Variants in VWF observed in about 807,000 individuals in gnomAD.
The protein encoded by VWF is von Willebrand factor, also known as Factor VIII related antigen.
Under a neutral mutation model 308.6 loss-of-function variants are expected in VWF, and 176 were observed. That is an observed-to-expected ratio of 0.57 (90% CI 0.50 to 0.65). The LOEUF (loss-of-function observed/expected upper bound fraction) is 0.65. VWF is among the 30% of genes least tolerant of loss of function. The pLI is 0.00. For synonymous variants in VWF, 1,385 were observed against 1,443.4 expected, an observed-to-expected ratio of 0.96 and a Z score of 0.92; for missense variants, 3,146 against 3,648.2, an observed-to-expected ratio of 0.86 and a Z score of 3.55.
At chr12:6,096,771 G>T (rs1011382987) in intron 5 of VWF, among the ~76,000 whole-genome samples, 1 of 152,186 alleles carries the variant, frequency 6.6e-6, no homozygotes, top group Non-Finnish European at 1.5e-5. Context: ...AAGTAATTGC[G>T]TAATCTGTAT....
chr12:6,034,555 TG>T, intron 20 of VWF, 132 bp downstream of exon 20: 3 of 1,380,446 alleles, frequency 2.2e-6, no homozygotes, highest in Middle Eastern at 2.5e-4. Flanking sequence ...TGTGAAGGAC[TG>T]GGAAGTACTC....
At position 6,019,143 on chromosome 12, in the gene VWF, G is replaced by A; in HGVS notation, c.4275C>T (p.Ile1425=). 1 of 1,613,892 alleles carries A rather than the reference G, an allele frequency of 6.2e-7. No individual in the cohort carries two copies. Among genetic ancestry groups the A allele is most frequent in the South Asian group, 1.1e-5 (1 of 91,062 alleles). ...GIGPHANLKQ[I]RLIEKQAPEN... ...CAGGGGCCTGCTTCTCGATGAGGCG[G>A]ATCTGCTTGAGGTTGGCATGGGGCC... is the stretch of plus-strand genomic sequence containing the variant. Residue 1425 remains isoleucine, a synonymous_variant, in exon 28 of 52, where the codon ATC becomes ATT. Coordinates refer to ENST00000261405, the MANE Select transcript of VWF (RefSeq NM_000552.5). The surrounding 1 kb of genome is among the most constrained non-coding windows in gnomAD (Gnocchi z 5.8).
intron 24 of VWF, 103 bp from the exon 25 acceptor site, chr12:6,023,890 G>A (rs1446997822): frequency 2.2e-6 from 3 of 1,350,864 alleles, no homozygotes; most frequent in African/African-American, 1.5e-5. Flanking sequence ...AAGGATAAGG[G>A]GGTCCAGGTA....
intron 32 of VWF, among the ~76,000 whole-genome samples, chr12:6,012,682 CGTGTGT>C (rs139765093): frequency 2.8e-5 from 4 of 143,798 alleles, no homozygotes; most frequent in South Asian, 2.2e-4. Context: ...ACAAAAAAAG[CGTGTGT>C]GTGTGTGTGT....
chr12:6,041,026 T>C (rs1191932501), intron 18 of VWF, among the ~76,000 whole-genome samples: 1 of 152,054 alleles, frequency 6.6e-6, no homozygotes, highest in East Asian at 1.9e-4. Context: ...TAAGAGAAAG[T>C]GTTTAGAAAA....
chr12:5,951,775 C>T, intron 50 of VWF, 69 bp downstream of exon 50: 2 of 1,563,008 alleles, frequency 1.3e-6, no homozygotes, highest in Admixed American at 1.7e-5. Flanking sequence ...TTTCAAGGAG[C>T]AAGCTGCAAA....
Position 5,985,329 on chromosome 12 carries a change from C to G in VWF, c.6902-210G>C, listed in dbSNP as rs2070883. Reference sequence around the variant, plus strand: ...CCCTCCAGGGGACTCTTAAGTCTGACCGTTGCTGGGGACCAGAGGCGAGGG... The same window carrying G: ...CCCTCCAGGGGACTCTTAAGTCTGAGCGTTGCTGGGGACCAGAGGCGAGGG... On this transcript the variant is annotated intron_variant, in intron 39 of 51. Transcript: ENST00000261405. Among the ~76,000 whole-genome samples the G allele has an allele frequency of 0.075, 11,372 of 152,276 alleles. 617 individuals carry two copies. Among genetic ancestry groups the G allele is most frequent in the East Asian group, 0.25 (1,275 of 5,180 alleles).
chr12:6,004,110 G>T (rs1409118645), intron 34 of VWF, among the ~76,000 whole-genome samples: 1 of 152,046 alleles, frequency 6.6e-6, no homozygotes, highest in Non-Finnish European at 1.5e-5. Context: ...TAAATTTTAT[G>T]TTATATGTAT....
intron 15 of VWF, among the ~76,000 whole-genome samples, chr12:6,055,381 C>T (rs1944564727): frequency 6.6e-6 from 1 of 152,164 alleles, no homozygotes; most frequent in South Asian, 2.1e-4. Flanking sequence ...AAGGAAGAAA[C>T]TGAAGTGCAA....
intron 20 of VWF, among the ~76,000 whole-genome samples, chr12:6,033,670 C>T (rs1344319233): frequency 6.6e-6 from 1 of 152,216 alleles, no homozygotes; most frequent in Non-Finnish European, 1.5e-5. Flanking sequence ...ACACTGCCTG[C>T]CTCTCTGGGC....
rs1191180569 is a variant in VWF, at chr12:6,012,107, C to T, written c.5644G>A (p.Glu1882Lys). The change falls in exon 33 of 52, where the codon GAG (glutamate) becomes AAG (lysine). Residue 1882 changes from glutamate to lysine, a missense_variant. Physicochemically the swap from Glu to Lys is moderately conservative, Grantham distance 56. Around this residue, in one of 3 missense-constraint regions of VWF, gnomAD observed 853 missense variants for 1,177.8 expected, o/e 0.72. Coordinates refer to ENST00000261405, the MANE Select transcript of VWF (RefSeq NM_000552.5). ...CTTACCCTCTTCTCATTCCCATCCT[C>T]ATCCATGCAAATCCTAACAAATCCT... is the stretch of plus-strand genomic sequence containing the variant. Reference protein sequence around the residue: ...CSGFVRICMDEDGNEKRPGDV... With the variant: ...CSGFVRICMDKDGNEKRPGDV... The T allele has an allele frequency of 6.2e-7, 1 of 1,614,124 alleles. No homozygotes were observed. The highest frequency in any genetic ancestry group is 2.2e-5 in the East Asian group (1 of 44,892).
In VWF at chr12:6,095,537, T is replaced by C. The variant is rs1235088649; in HGVS notation, c.580A>G (p.Ser194Gly). The change falls in exon 6 of 52, where the codon AGC becomes GGC. Residue 194 changes from serine (S) to glycine (G), a missense_variant. Around this residue, in one of 3 missense-constraint regions of VWF, gnomAD observed 1,304 missense variants for 1,353.0 expected, o/e 0.96. Coordinates refer to ENST00000261405, the MANE Select transcript of VWF (RefSeq NM_000552.5). ...CGTTCACACCACTGTTCTCCACTGC[T>C]CAGAGCCCATGAGTTGGCAAAGTCA... ...PYDFANSWAL[S>G]SGEQWCERAS... The C allele has an allele frequency of 1.2e-6, 2 of 1,614,136 alleles. No homozygotes were observed. The highest frequency in any genetic ancestry group is 4.5e-5 in the East Asian group (2 of 44,880).
intron 6 of VWF, among the ~76,000 whole-genome samples, chr12:6,079,370 G>C (rs961190919): frequency 6.6e-6 from 1 of 152,176 alleles, no homozygotes; most frequent in Non-Finnish European, 1.5e-5. Flanking sequence ...ACTTTTGGAG[G>C]CCAAGGCGGG....
At chr12:6,071,145 A>G in intron 10 of VWF, 152 bp downstream of exon 10, 1 of 840,602 alleles carries the variant, frequency 1.2e-6, no homozygotes, top group Non-Finnish European at 2.0e-6. Context: ...GGTACCTGAA[A>G]CCAGAGCTGG....
At chr12:5,984,907 G>T in intron 40 of VWF, 138 bp downstream of exon 40, 1 of 853,036 alleles carries the variant, frequency 1.2e-6, no homozygotes, top group South Asian at 1.5e-5. Flanking sequence ...CACTTTTTTG[G>T]AGTATCCAGT....
chr12:6,075,394 G>T lies in VWF; in HGVS notation c.815C>A (p.Ala272Asp). Residue 272 changes from alanine to aspartate, a missense_variant, in exon 7 of 52, where the codon GCC (alanine) becomes GAC (aspartate). Physicochemically the swap from Ala to Asp is moderately radical, Grantham distance 126. Coordinates refer to ENST00000261405, the MANE Select transcript of VWF (RefSeq NM_000552.5). This position sits in a 1 kb window ranked among gnomAD's most constrained non-coding sequence, Gnocchi z 4.7. ...CATTCCCTCCTGGGCACAGGTCCGG[G>T]CGTACTCCAGGAGGGCAGGGCAGGC... is the stretch of plus-strand genomic sequence containing the variant. The part of the protein sequence containing the change: ...ECACPALLEY[A>D]RTCAQEGMVL... The T allele has an allele frequency of 6.2e-7, 1 of 1,614,098 alleles. No homozygotes were observed. Among genetic ancestry groups the T allele is most frequent in the East Asian group, 2.2e-5 (1 of 44,870 alleles).
chr12:6,094,755 C>G (rs1388306235), intron 6 of VWF, among the ~76,000 whole-genome samples: 1 of 152,052 alleles, frequency 6.6e-6, no homozygotes, highest in East Asian at 1.9e-4. Flanking sequence ...CTCTGTCACC[C>G]AGGATGGAGT....
At chr12:6,095,363 C>T (rs1945094166) in intron 6 of VWF, 97 bp downstream of exon 6, 1 of 1,593,384 alleles carries the variant, frequency 6.3e-7, no homozygotes, top group South Asian at 1.1e-5. Flanking sequence ...TAAGTCCATT[C>T]CTCCCCCAGA....
At chr12:5,988,271 C>A (rs1256032422) in intron 38 of VWF, among the ~76,000 whole-genome samples, 1 of 152,174 alleles carries the variant, frequency 6.6e-6, no homozygotes, top group Non-Finnish European at 1.5e-5. Context: ...ATAAAGACAA[C>A]CCTGGCGACA....
Sources: gnomAD v4.1 joint callset for allele counts (sites outside exome capture counted in the v4.1 genomes callset) on GRCh38, gnomAD v4.1.1 for gene constraint, gnomAD v4.1.1 regional missense constraint, Gnocchi (gnomAD v3.1) non-coding constraint, MANE v1.5 for transcripts, NCBI Gene and HGNC (gene_info 2026-07-23, HGNC 2026-07-21) for gene names.